Variants in CHD6 observed in about 807,000 individuals in gnomAD.
CHD6 encodes the protein ATP-dependent chromatin remodeler CHD6.
Under a neutral mutation model 276.9 loss-of-function variants are expected in CHD6, and 50 were observed. That is an observed-to-expected ratio of 0.18 (90% CI 0.14 to 0.23). CHD6 has a LOEUF of 0.23. Among genes scored for constraint, CHD6 ranks in the 10% least tolerant of loss-of-function variants. CHD6 has a pLI of 1.00. For missense variants in CHD6, 2,564 were observed against 3,365.8 expected, an observed-to-expected ratio of 0.76 and a Z score of 5.89; for synonymous variants, 1,173 against 1,229.3, an observed-to-expected ratio of 0.95 and a Z score of 0.96.
chr20:41,447,848 T>C, intron 24 of CHD6, 34 bp downstream of exon 24: 6 of 1,492,974 alleles, frequency 4.0e-6, no homozygotes, highest in Non-Finnish European at 5.6e-6. Context: ...TGTCAATTCT[T>C]TAACGTTGAT....
In CHD6 at chr20:41,451,866, A is replaced by G; in HGVS notation, c.3483T>C (p.Pro1161=). 1 of 1,614,102 alleles carries G rather than the reference A, an allele frequency of 6.2e-7. No homozygotes were observed. Among genetic ancestry groups the G allele is most frequent in the Non-Finnish European group, 8.5e-7 (1 of 1,179,984 alleles). ...GGGTCTGGGCTTGCCCATCTTTGGT[A>G]GGTGTGATCAGTTCCCAAATGAAAC... ...IKSFIWELIT[P]TKDGQAQTLQ... Residue 1161 remains proline, a synonymous_variant, in exon 22 of 37, where the codon CCT becomes CCC. Transcript: ENST00000373233.
chr20:41,405,627 G>T, intron 36 of CHD6, 138 bp from the exon 37 acceptor site: 1 of 624,110 alleles, frequency 1.6e-6, no homozygotes. Flanking sequence ...AGCACCTCCC[G>T]CCTACTTGTG....
At position 41,432,227 on chromosome 20, in the gene CHD6, T is replaced by C. The variant is rs1441570458; in HGVS notation, c.4068+5047A>G. Among the ~76,000 whole-genome samples the C allele has an allele frequency of 2.0e-5, 3 of 146,982 alleles. No homozygotes were observed. The East Asian group carries it at 6.1e-4, about 30-fold the overall frequency. On this transcript the variant is annotated intron_variant, in intron 27 of 36. Transcript: ENST00000373233. Reference sequence around the variant, plus strand: ...TCTCTAGTTAAGGACTAGGAAGAGGTAGGTTAGCAGGTTAGGGACACAGAA... The same window carrying C: ...TCTCTAGTTAAGGACTAGGAAGAGGCAGGTTAGCAGGTTAGGGACACAGAA...
At chr20:41,568,650 T>A (rs182075524) in intron 1 of CHD6, among the ~76,000 whole-genome samples, 3 of 152,296 alleles carry the variant, frequency 2.0e-5, no homozygotes, top group East Asian at 1.9e-4. Context: ...TAAAGTAAAA[T>A]TTTTAAAAAC....
In CHD6 at chr20:41,420,542, A is replaced by G. The variant is rs2047152575; in HGVS notation, c.6093T>C (p.Asp2031=). 3 of 1,613,362 alleles carry G rather than the reference A, an allele frequency of 1.9e-6. No individual in the cohort carries two copies. The highest frequency in any genetic ancestry group is 2.5e-6 in the Non-Finnish European group (3 of 1,179,938). The part of the protein sequence containing the change: ...KSEDMDFENK[D]DYDRDGNCHS... ...GGCAGTTTCCGTCTCTATCATAATC[A>G]TCTTTATTCTCAAAATCCATGTCTT... Residue 2031 remains aspartate, a synonymous_variant, in exon 31 of 37, where the codon GAT becomes GAC. Transcript: ENST00000373233.
chr20:41,544,067 C>G (rs2044995159), intron 2 of CHD6, among the ~76,000 whole-genome samples: 2 of 152,056 alleles, frequency 1.3e-5, no homozygotes, highest in South Asian at 4.2e-4. Flanking sequence ...TAGTGAAACC[C>G]TGTCTCTACT....
chr20:41,420,677 T>C lies in CHD6; in HGVS notation c.5958A>G (p.Ser1986=). The C allele has an allele frequency of 6.2e-7, 1 of 1,614,242 alleles. No individual in the cohort carries two copies. Among genetic ancestry groups the C allele is most frequent in the East Asian group, 2.2e-5 (1 of 44,896 alleles). Residue 1986 remains serine, a synonymous_variant, in exon 31 of 37, where the codon TCA becomes TCG. Transcript: ENST00000373233. ...AMEGEPTAIP[S]QPFKVKHELL... ...GCTCATGCTTCACTTTAAACGGCTG[T>C]GATGGAATAGCAGTGGGTTCACCCT...
intron 2 of CHD6, among the ~76,000 whole-genome samples, chr20:41,537,874 TAC>T (rs149184928): frequency 1.3e-5 from 2 of 151,336 alleles, no homozygotes; most frequent in Non-Finnish European, 2.9e-5. Flanking sequence ...CCATCATAGA[TAC>T]ACACACACAC....
chr20:41,412,250 T>A lies in CHD6; in HGVS notation c.7145A>T (p.Lys2382Ile). ...ACAGCGTGGCCTCCTCTGCTTTGGT[T>A]TGTCTGAAAAATTCTAGGATGAAAA... ...VPGFGANFSD[K>I]PKQRRPRCKE... The change falls in exon 36 of 37, where the codon AAA becomes ATA. Residue 2382 changes from lysine (K) to isoleucine (I), a missense_variant. Transcript: ENST00000373233. 6.2e-7 allele frequency: 1 copy of A among 1,614,172 alleles called. No homozygotes were observed.
rs1327808961 is a variant in CHD6, at chr20:41,472,153, A to G, written c.2664+1169T>C. Among the ~76,000 whole-genome samples, 4 of 152,006 alleles carry G rather than the reference A, an allele frequency of 2.6e-5. No individual in the cohort carries two copies. The East Asian group carries it at 7.7e-4, about 29-fold the overall frequency. ...GGAGGCTGAGGCAAGAGGCAAGAGA[A>G]TCGCTTGAACCTGGCAGGCAGAGGT... On this transcript the variant is annotated intron_variant, in intron 17 of 36. Coordinates refer to ENST00000373233, the MANE Select transcript of CHD6 (RefSeq NM_032221.5).
At chr20:41,435,106 T>A (rs1321110830) in intron 27 of CHD6, among the ~76,000 whole-genome samples, 2 of 151,704 alleles carry the variant, frequency 1.3e-5, no homozygotes, top group African/African-American at 4.8e-5. Context: ...CACTAAATAA[T>A]AAACACCTAA....
At chr20:41,559,579 T>C (rs983883093) in intron 1 of CHD6, among the ~76,000 whole-genome samples, 5 of 152,204 alleles carry the variant, frequency 3.3e-5, no homozygotes, top group South Asian at 2.1e-4. Flanking sequence ...TGCAGGCTTC[T>C]AGGCTTAGCT....
chr20:41,505,838 C>T lies in CHD6; in HGVS notation c.853-6481G>A, dbSNP rs117640225. Among the ~76,000 whole-genome samples, 957 of 152,178 alleles carry T rather than the reference C, an allele frequency of 6.3e-3. 4 individuals carry two copies. Among genetic ancestry groups the T allele is most frequent in the Non-Finnish European group, 9.4e-3 (636 of 68,008 alleles). ...ATACATAATTCCTATATGCCATCTC[C>T]ACTTGAGTATCTCAGAGGTATTTCG... On this transcript the variant is annotated intron_variant, in intron 5 of 36. Transcript: ENST00000373233.
chr20:41,527,345 C>T (rs2044565901), intron 3 of CHD6, among the ~76,000 whole-genome samples: 1 of 151,664 alleles, frequency 6.6e-6, no homozygotes, highest in Admixed American at 6.6e-5. Flanking sequence ...TGCTTGAACC[C>T]GGGAGGTGGA....
At chr20:41,517,920 T>C (rs927719059) in intron 3 of CHD6, among the ~76,000 whole-genome samples, 7 of 152,372 alleles carry the variant, frequency 4.6e-5, no homozygotes, top group Middle Eastern at 3.4e-3. Context: ...GTCTCCCTTT[T>C]AGTAAATGTA....
chr20:41,431,697 G>C (rs1429105734), intron 27 of CHD6, among the ~76,000 whole-genome samples: 1 of 147,440 alleles, frequency 6.8e-6, no homozygotes, highest in African/African-American at 2.5e-5. Flanking sequence ...ACAAGCATAA[G>C]AAAACTCTGA....
At chr20:41,469,292 G>A (rs930400848) in intron 17 of CHD6, among the ~76,000 whole-genome samples, 4 of 152,132 alleles carry the variant, frequency 2.6e-5, no homozygotes, top group African/African-American at 9.7e-5. Context: ...ACGCAGAACT[G>A]TGCAGCCCAC....
chr20:41,565,847 T>C (rs1744585639), intron 1 of CHD6, among the ~76,000 whole-genome samples: 1 of 152,080 alleles, frequency 6.6e-6, no homozygotes, highest in Non-Finnish European at 1.5e-5. Flanking sequence ...AAAGATGAAA[T>C]GAAATTAACA....
chr20:41,498,159 T>C lies in CHD6; in HGVS notation c.974+9A>G, dbSNP rs182761438. The C allele has an allele frequency of 1.3e-5, 21 of 1,594,714 alleles. No individual in the cohort carries two copies. The highest frequency in any genetic ancestry group is 1.6e-5 in the Non-Finnish European group (19 of 1,165,848). ...ACCCAAATACAGAGAATACTTTAAATAGACGTACAAATTTCTATACTTAAC... is the reference window on the plus strand; with the variant it reads ...ACCCAAATACAGAGAATACTTTAAACAGACGTACAAATTTCTATACTTAAC... On this transcript the variant is annotated intron_variant, in intron 7 of 36. Coordinates refer to ENST00000373233, the MANE Select transcript of CHD6 (RefSeq NM_032221.5).
Sources: allele counts gnomAD v4.1 joint callset (sites outside exome capture counted in the v4.1 genomes callset), GRCh38; gene constraint gnomAD v4.1.1; transcripts MANE v1.5; gene names NCBI Gene and HGNC (gene_info 2026-07-23, HGNC 2026-07-21).